Variants in COL11A1 observed in about 807,000 individuals in gnomAD.
The protein encoded by COL11A1 is collagen type XI alpha 1 chain.
COL11A1 carries 74 observed loss-of-function variants against 265.2 expected under a neutral mutation model. The observed-to-expected ratio is 0.28, with a 90% CI of 0.23 to 0.34. COL11A1 has a LOEUF of 0.34. Ranked by LOEUF, COL11A1 falls within the 10% of genes least tolerant of loss-of-function variation. The pLI is 1.00. For missense variants in COL11A1, 2,165 were observed against 2,263.6 expected, an observed-to-expected ratio of 0.96 and a Z score of 0.88; for synonymous variants, 816 against 727.6, an observed-to-expected ratio of 1.12 and a Z score of -1.96.
chr1:102,997,250 A>C, intron 25 of COL11A1, 126 bp from the exon 26 acceptor site: 1 of 904,684 alleles, frequency 1.1e-6, no homozygotes, highest in Non-Finnish European at 1.8e-6. Flanking sequence ...AACATTGAAC[A>C]CTTTTGCATC....
intron 41 of COL11A1, among the ~76,000 whole-genome samples, chr1:102,958,915 C>G (rs188367623): frequency 2.0e-5 from 3 of 152,120 alleles, no homozygotes; most frequent in African/African-American, 7.2e-5. Context: ...AACTGTCATT[C>G]TCTCAAGGAC....
At chr1:102,970,326 G>A (rs1661840702) in intron 36 of COL11A1, 54 bp from the exon 37 acceptor site, 27 of 1,373,692 alleles carry the variant, frequency 2.0e-5, no homozygotes, top group Non-Finnish European at 2.6e-5. Context: ...TTATTTTATA[G>A]TCTAAATGTG....
At chr1:103,072,366 A>G (rs1414963800) in intron 4 of COL11A1, among the ~76,000 whole-genome samples, 1 of 151,936 alleles carries the variant, frequency 6.6e-6, no homozygotes, top group Non-Finnish European at 1.5e-5. Flanking sequence ...AATCTGACTT[A>G]TGCTATGCCT....
intron 14 of COL11A1, among the ~76,000 whole-genome samples, chr1:103,008,928 C>A (rs1326074262): frequency 1.3e-5 from 2 of 152,120 alleles, no homozygotes; most frequent in Admixed American, 6.5e-5. Flanking sequence ...AAGGACTTGA[C>A]AAAATGTTAC....
Position 102,946,692 on chromosome 1 carries a change from AT to A in COL11A1, c.3276+156del, listed in dbSNP as rs753245275. Among the ~76,000 whole-genome samples, 3 of 152,072 alleles carry A rather than the reference AT, an allele frequency of 2.0e-5. No homozygotes were observed. The East Asian group carries it at 5.8e-4, about 29-fold the overall frequency. ...GTCATCTCATTTAATTGAATTTGAAATTTTCTCTATTATACATATACGAGCC... is the reference window on the plus strand; with the variant it reads ...GTCATCTCATTTAATTGAATTTGAAATTTCTCTATTATACATATACGAGCC... On this transcript the variant is annotated intron_variant, in intron 42 of 66. Coordinates refer to ENST00000370096, the MANE Select transcript of COL11A1 (RefSeq NM_001854.4).
At chr1:102,927,129 CAT>C (rs1656685703) in intron 46 of COL11A1, among the ~76,000 whole-genome samples, 1 of 151,904 alleles carries the variant, frequency 6.6e-6, no homozygotes, top group Non-Finnish European at 1.5e-5. Flanking sequence ...ATTTTATAAT[CAT>C]ATTTATAAAA....
At chr1:103,049,957 GC>G (rs2102123590) in intron 4 of COL11A1, among the ~76,000 whole-genome samples, 2 of 152,290 alleles carry the variant, frequency 1.3e-5, no homozygotes, top group African/African-American at 4.8e-5. Context: ...TAGAGTTTCT[GC>G]CGAGAGATCA....
At chr1:102,901,069 C>T (rs1653127939) in intron 54 of COL11A1, among the ~76,000 whole-genome samples, 1 of 152,012 alleles carries the variant, frequency 6.6e-6, no homozygotes. Context: ...CCTGTAATCC[C>T]AGCATTTTGG....
chr1:103,093,463 A>G (rs921239154), intron 1 of COL11A1, among the ~76,000 whole-genome samples: 3 of 152,148 alleles, frequency 2.0e-5, no homozygotes, highest in South Asian at 2.1e-4. Context: ...AAGGATATTT[A>G]TTAGTAAGAA....
At chr1:103,045,798 G>A (rs1669209093) in intron 4 of COL11A1, among the ~76,000 whole-genome samples, 1 of 146,410 alleles carries the variant, frequency 6.8e-6, no homozygotes, top group African/African-American at 2.6e-5. Flanking sequence ...TCCCCGGTGT[G>A]TGACGTTCCC....
chr1:102,979,296 C>A lies in COL11A1; in HGVS notation c.2610+86G>T, dbSNP rs537404041. ...CAAGCAATCCTCCACCTGAGCCTCA[C>A]AAATATCTGGGAATACAGGCACACA... On this transcript the variant is annotated intron_variant, in intron 32 of 66. Transcript: ENST00000370096. The A allele has an allele frequency of 3.8e-6, 5 of 1,301,096 alleles. No homozygotes were observed. The East Asian group carries it at 1.2e-4, about 31-fold the overall frequency. The allele number at this position is 1,301,096 out of a possible 1,614,324, so 80.6% of individuals were successfully genotyped here.
At chr1:103,018,676 A>G (rs1666757684) in intron 10 of COL11A1, 142 bp downstream of exon 10, 3 of 656,288 alleles carry the variant, frequency 4.6e-6, no homozygotes, top group Non-Finnish European at 7.8e-6. Context: ...GGCAGTTCAA[A>G]GGCACCAGCT....
intron 7 of COL11A1, among the ~76,000 whole-genome samples, chr1:103,024,802 A>G (rs901318940): frequency 6.6e-6 from 1 of 152,160 alleles, no homozygotes; most frequent in African/African-American, 2.4e-5. Flanking sequence ...TTTTCTTAAA[A>G]CTAAATTACA....
At chr1:103,075,671 G>C (rs1172992667) in intron 3 of COL11A1, among the ~76,000 whole-genome samples, 1 of 151,818 alleles carries the variant, frequency 6.6e-6, no homozygotes, top group African/African-American at 2.4e-5. Flanking sequence ...CTGCAAGCCA[G>C]TCTGGTTTAT....
chr1:102,904,010 T>C (rs1653570932), intron 54 of COL11A1, among the ~76,000 whole-genome samples: 1 of 152,072 alleles, frequency 6.6e-6, no homozygotes, highest in South Asian at 2.1e-4. Flanking sequence ...TACAGGCTCA[T>C]GTCATCATAC....
chr1:102,942,122 G>T (rs1658786387), intron 42 of COL11A1, among the ~76,000 whole-genome samples: 1 of 152,074 alleles, frequency 6.6e-6, no homozygotes, highest in Non-Finnish European at 1.5e-5. Context: ...AAATAAATAT[G>T]ATATTTCAAA....
chr1:103,002,919 G>A (rs1665254868), intron 21 of COL11A1, 128 bp from the exon 22 acceptor site: 4 of 939,516 alleles, frequency 4.3e-6, no homozygotes, highest in Non-Finnish European at 6.7e-6. Context: ...AGGATTTAAT[G>A]GAAACGAAGA....
At chr1:103,078,063 T>A (rs1229200326) in intron 3 of COL11A1, among the ~76,000 whole-genome samples, 1 of 152,116 alleles carries the variant, frequency 6.6e-6, no homozygotes, top group Non-Finnish European at 1.5e-5. Context: ...TCAAATTAGA[T>A]CATTCTTCTG....
At chr1:102,917,262 G>T (rs1390123696) in intron 49 of COL11A1, among the ~76,000 whole-genome samples, 2 of 152,012 alleles carry the variant, frequency 1.3e-5, no homozygotes, top group Admixed American at 1.3e-4. Flanking sequence ...AATAAATGGT[G>T]CTGAGAAATC....
Sources: allele counts gnomAD v4.1 joint callset (sites outside exome capture counted in the v4.1 genomes callset), GRCh38; gene constraint gnomAD v4.1.1; transcripts MANE v1.5; gene names NCBI Gene and HGNC (gene_info 2026-07-23, HGNC 2026-07-21).